Variants in PCBP3 observed in about 807,000 individuals in gnomAD.
PCBP3 encodes the protein poly(rC) binding protein 3, also known as poly(rC)-binding protein 3.
Under a neutral mutation model 52.7 loss-of-function variants are expected in PCBP3, and 25 were observed. The ratio of observed to expected loss-of-function variants is 0.47; its 90% CI spans 0.35 to 0.66. PCBP3 has a LOEUF of 0.66. Among genes scored for constraint, PCBP3 ranks in the 30% least tolerant of loss-of-function variants. The pLI, the probability that PCBP3 is intolerant of heterozygous loss-of-function variation, is 0.01. For synonymous variants in PCBP3, 162 were observed against 183.0 expected (o/e 0.89, Z 0.93); for missense variants, 391 against 490.3 (o/e 0.80, Z 1.91).
At chr21:45,728,167 C>T (rs998062610) in intron 2 of PCBP3, among the ~76,000 whole-genome samples, 2 of 152,116 alleles carry the variant, frequency 1.3e-5, no homozygotes, top group African/African-American at 4.8e-5. Flanking sequence ...AACTTTGTTC[C>T]TGAATTTAGG....
rs558793347 is a variant in PCBP3, at chr21:45,800,473, C to G, written c.-126+45021C>G. Among the ~76,000 whole-genome samples, 1 of 152,328 alleles carries G rather than the reference C, an allele frequency of 6.6e-6. No individual in the cohort carries two copies. Among genetic ancestry groups the G allele is most frequent in the Non-Finnish European group, 1.5e-5 (1 of 68,014 alleles). ...CTGAGCCCAACTGGCTCCAAACAGG[C>G]GTGTTGTGGGCGTGTCCTGAGGTGT... On this transcript the variant is annotated intron_variant, in intron 4 of 17. Coordinates refer to ENST00000681687, the MANE Select transcript of PCBP3 (RefSeq NM_001384156.1). The surrounding 1 kb of genome is among the most constrained non-coding windows in gnomAD (Gnocchi z 5.3).
In PCBP3 at chr21:45,726,207, G is replaced by C. The variant is rs550439526; in HGVS notation, c.-199-9185G>C. On this transcript the variant is annotated intron_variant, in intron 2 of 17. Transcript: ENST00000681687. ...CAGGTCCAAGGTAGGAGGGGTTAAG[G>C]ATTTGGTCTTGGACTTCAGGTAACA... Among the ~76,000 whole-genome samples the C allele has an allele frequency of 5.3e-5, 8 of 152,264 alleles. No homozygotes were observed. In the South Asian group the frequency reaches 1.7e-3, roughly 32 times the overall value.
intron 2 of PCBP3, among the ~76,000 whole-genome samples, chr21:45,695,516 A>C (rs775002130): frequency 7.2e-5 from 11 of 152,178 alleles, no homozygotes; most frequent in Non-Finnish European, 1.0e-4. Context: ...CAATGCCTGA[A>C]TCTCAGACTT....
chr21:45,843,650 A>T (rs934554718), intron 4 of PCBP3, among the ~76,000 whole-genome samples: 1 of 152,204 alleles, frequency 6.6e-6, no homozygotes, highest in Non-Finnish European at 1.5e-5. Context: ...GGAAACATTT[A>T]AAAAGTGTTT....
intron 4 of PCBP3, among the ~76,000 whole-genome samples, chr21:45,794,277 G>T (rs1236069868): frequency 2.0e-5 from 3 of 152,196 alleles, no homozygotes; most frequent in African/African-American, 7.2e-5. Context: ...TTAGCTGGAT[G>T]TAGTGGTGCG....
intron 2 of PCBP3, among the ~76,000 whole-genome samples, chr21:45,691,127 A>G (rs1382366001): frequency 6.6e-6 from 1 of 152,042 alleles, no homozygotes; most frequent in African/African-American, 2.4e-5. Flanking sequence ...AAAATCTATC[A>G]ACAGGCAAGT....
At chr21:45,819,835 A>G (rs2093076913) in intron 4 of PCBP3, among the ~76,000 whole-genome samples, 1 of 152,146 alleles carries the variant, frequency 6.6e-6, no homozygotes, top group African/African-American at 2.4e-5. Flanking sequence ...TGCCAGATGG[A>G]CTCGGGCCAA....
At chr21:45,761,262 A>C (rs1370310772) in intron 4 of PCBP3, 1 of 152,018 alleles carries the variant, frequency 6.6e-6, no homozygotes, top group Non-Finnish European at 1.5e-5. Flanking sequence ...GGGGAATTCT[A>C]TTCTGTCGCC....
At chr21:45,687,885 C>G (rs888865387) in intron 2 of PCBP3, among the ~76,000 whole-genome samples, 2 of 152,026 alleles carry the variant, frequency 1.3e-5, no homozygotes, top group African/African-American at 4.8e-5. Flanking sequence ...CAGCCACCAC[C>G]ACACCTGGCT....
chr21:45,847,810 G>T (rs536889574), intron 4 of PCBP3, among the ~76,000 whole-genome samples: 3 of 152,188 alleles, frequency 2.0e-5, no homozygotes, highest in Non-Finnish European at 2.9e-5. Context: ...TTCTGGGTCA[G>T]TTTGTTCAAG....
intron 5 of PCBP3, among the ~76,000 whole-genome samples, chr21:45,894,986 T>G (rs567210157): frequency 6.6e-6 from 1 of 152,362 alleles, no homozygotes; most frequent in African/African-American, 2.4e-5. Context: ...CTGAGTGTGT[T>G]GATGAAGTGA....
intron 15 of PCBP3, 39 bp from the exon 16 acceptor site, chr21:45,935,214 C>G: frequency 6.7e-7 from 1 of 1,500,794 alleles, no homozygotes; most frequent in Non-Finnish European, 9.3e-7. Flanking sequence ...CTGTTAGCAG[C>G]CTTCCACCAG....
At chr21:45,814,627 AGTG>A (rs1166877018) in intron 4 of PCBP3, among the ~76,000 whole-genome samples, 12 of 67,996 alleles carry the variant, frequency 1.8e-4, no homozygotes, top group South Asian at 6.5e-4. Context: ...GTGAGTGATG[AGTG>A]GTGAGTGGTG....
intron 4 of PCBP3, among the ~76,000 whole-genome samples, chr21:45,792,777 C>T (rs1207145671): frequency 6.6e-6 from 1 of 152,182 alleles, no homozygotes; most frequent in African/African-American, 2.4e-5. Flanking sequence ...GATTAATGGA[C>T]TCAGGGAGTT....
At chr21:45,910,751 C>T in intron 10 of PCBP3, 151 bp from the exon 11 acceptor site, 3 of 719,328 alleles carry the variant, frequency 4.2e-6, no homozygotes, top group Non-Finnish European at 6.6e-6. Context: ...GGGGGCAGTG[C>T]TGGGATGGCG....
intron 6 of PCBP3, among the ~76,000 whole-genome samples, chr21:45,897,641 C>T (rs1186435616): frequency 6.6e-6 from 1 of 152,160 alleles, no homozygotes; most frequent in Admixed American, 6.5e-5. Flanking sequence ...TCCTATAGCC[C>T]CATCCTGCTC....
chr21:45,847,728 C>G (rs1378860694), intron 4 of PCBP3, among the ~76,000 whole-genome samples: 1 of 152,190 alleles, frequency 6.6e-6, no homozygotes, highest in African/African-American at 2.4e-5. Context: ...ATAAGCTGGT[C>G]TTTTTGCCTG....
intron 9 of PCBP3, among the ~76,000 whole-genome samples, chr21:45,906,905 C>T (rs1433257569): frequency 1.3e-5 from 2 of 152,170 alleles, no homozygotes; most frequent in Non-Finnish European, 2.9e-5. Context: ...TTTGAAACGC[C>T]TCCCAGGGTG....
chr21:45,908,600 GCGCTGTCCGCCA>G (rs1275732722), intron 9 of PCBP3, among the ~76,000 whole-genome samples: 1 of 151,622 alleles, frequency 6.6e-6, no homozygotes, highest in East Asian at 1.9e-4. Flanking sequence ...TGCCTCTGCC[GCGCTGTCCGCCA>G]CGCTCTGCAG....
Sources: allele counts gnomAD v4.1 joint callset (sites outside exome capture counted in the v4.1 genomes callset), GRCh38; gene constraint gnomAD v4.1.1; non-coding constraint Gnocchi (gnomAD v3.1); transcripts MANE v1.5; gene names NCBI Gene and HGNC (gene_info 2026-07-23, HGNC 2026-07-21).